Variants in PSTPIP2 observed in about 807,000 individuals in gnomAD.
The protein encoded by PSTPIP2 is proline-serine-threonine phosphatase-interacting protein 2.
PSTPIP2 carries 33 observed loss-of-function variants against 63.3 expected under a neutral mutation model. The ratio of observed to expected loss-of-function variants is 0.52; its 90% CI spans 0.40 to 0.70. The LOEUF (loss-of-function observed/expected upper bound fraction) is 0.70. Among genes scored for constraint, PSTPIP2 ranks in the 30% least tolerant of loss-of-function variants. PSTPIP2 has a pLI of 0.00. For missense variants in PSTPIP2, 312 were observed against 400.7 expected (o/e 0.78, Z 1.89); for synonymous variants, 125 against 132.7 (o/e 0.94, Z 0.40).
chr18:46,001,868 A>G (rs1369577833), intron 6 of PSTPIP2, among the ~76,000 whole-genome samples: 1 of 152,198 alleles, frequency 6.6e-6, no homozygotes, highest in Non-Finnish European at 1.5e-5. Flanking sequence ...CATCCCCTCA[A>G]GCATTTATTC....
intron 2 of PSTPIP2, among the ~76,000 whole-genome samples, chr18:46,027,482 G>A (rs2144099025): frequency 6.6e-6 from 1 of 152,082 alleles, no homozygotes; most frequent in South Asian, 2.1e-4. Context: ...TTGAGCCCAA[G>A]GGTTTGAGAC....
intron 2 of PSTPIP2, 89 bp downstream of exon 2, chr18:46,039,858 A>T: frequency 8.8e-7 from 1 of 1,139,282 alleles, no homozygotes; most frequent in Non-Finnish European, 1.3e-6. Context: ...CAGAACCATT[A>T]AACACAAATG....
In PSTPIP2 at chr18:45,997,803, G is replaced by A. The variant is rs780497580; in HGVS notation, c.588C>T (p.Gly196=). 35 of 1,589,344 alleles carry A rather than the reference G, an allele frequency of 2.2e-5. 2 individuals carry two copies. The South Asian group carries it at 3.9e-4, about 18-fold the overall frequency. Residue 196 remains glycine (G), a synonymous_variant, in exon 9 of 15, where the codon GGC becomes GGT. Transcript: ENST00000409746. ...DSDKAYMLHI[G]TLDKVREEWQ... is the part of the protein sequence containing the mutation. Reference sequence around the variant, plus strand: ...ACTCTTCTCGGACCTTATCCAGGGTGCCGATGTGCAGCATGTATGCTTTGT... The same window carrying A: ...ACTCTTCTCGGACCTTATCCAGGGTACCGATGTGCAGCATGTATGCTTTGT...
chr18:46,021,848 C>CAAAAA (rs59094808), intron 3 of PSTPIP2, among the ~76,000 whole-genome samples: 55 of 33,226 alleles, frequency 1.7e-3, no homozygotes, highest in Non-Finnish European at 2.3e-3. Context: ...GACTCTGTCT[C>CAAAAA]AAAAAAAAAA....
intron 3 of PSTPIP2, among the ~76,000 whole-genome samples, chr18:46,016,845 G>A (rs1411262933): frequency 1.3e-5 from 2 of 152,176 alleles, no homozygotes; most frequent in African/African-American, 4.8e-5. Flanking sequence ...AAATACCTAA[G>A]AATGCTTTAA....
At chr18:46,044,007 G>A (rs1344770996) in intron 1 of PSTPIP2, among the ~76,000 whole-genome samples, 1 of 152,012 alleles carries the variant, frequency 6.6e-6, no homozygotes, top group Non-Finnish European at 1.5e-5. Context: ...AATAAAAGTA[G>A]GTATATACCA....
intron 6 of PSTPIP2, among the ~76,000 whole-genome samples, chr18:46,000,978 A>G (rs2051659039): frequency 6.6e-6 from 1 of 152,214 alleles, no homozygotes; most frequent in African/African-American, 2.4e-5. Context: ...CATATACACA[A>G]TGGAACACTA....
At position 46,006,360 on chromosome 18, in the gene PSTPIP2, C is replaced by CTTTTTTTTTTTTTTTTTTTTTTTT. The variant is rs756384731; in HGVS notation, c.355-853_355-830dup. Among the ~76,000 whole-genome samples the CTTTTTTTTTTTTTTTTTTTTTTTT allele has an allele frequency of 5.2e-5, 6 of 115,628 alleles. 3 individuals carry two copies. The highest frequency in any genetic ancestry group is 1.5e-4 in the African/African-American group (4 of 27,084). The allele number at this position is 115,628 out of a possible 152,430, so 75.9% of individuals were successfully genotyped here. ...TGAGCCACCATGCCCAGCCCTGGTA[C>CTTTTTTTTTTTTTTTTTTTTTTTT]TTTTTTTTTTTTTTTTTTTTTTTTT... On this transcript the variant is annotated intron_variant, in intron 5 of 14. Coordinates refer to ENST00000409746, the MANE Select transcript of PSTPIP2 (RefSeq NM_024430.4).
At chr18:46,013,081 T>C (rs2051817272) in intron 4 of PSTPIP2, among the ~76,000 whole-genome samples, 1 of 151,056 alleles carries the variant, frequency 6.6e-6, no homozygotes, top group African/African-American at 2.4e-5. Context: ...AAGATAAATA[T>C]ATATATTATT....
At chr18:46,019,358 AG>A (rs1319388834) in intron 3 of PSTPIP2, among the ~76,000 whole-genome samples, 1 of 152,158 alleles carries the variant, frequency 6.6e-6, no homozygotes, top group African/African-American at 2.4e-5. Flanking sequence ...CTCAAAACAA[AG>A]GTTCTTATTT....
intron 6 of PSTPIP2, among the ~76,000 whole-genome samples, chr18:46,003,080 G>A (rs73953954): frequency 0.048 from 7,241 of 152,272 alleles, 625 homozygotes; most frequent in African/African-American, 0.16. Context: ...TCTCATTACT[G>A]TCATGTGAGT....
intron 1 of PSTPIP2, chr18:46,040,285 A>C (rs753968884): frequency 5.4e-6 from 2 of 373,422 alleles, no homozygotes; most frequent in Non-Finnish European, 9.7e-6. Flanking sequence ...CTGCAACCAG[A>C]AATTAGGGAT....
rs77351479 is a variant in PSTPIP2 at position 46,056,593 on chromosome 18, G to A, written c.33+15563C>T. Among the ~76,000 whole-genome samples the A allele has an allele frequency of 6.4e-3, 968 of 152,214 alleles. 8 individuals are homozygous for A. The highest frequency in any genetic ancestry group is 0.022 in the African/African-American group (926 of 41,530). On this transcript the variant is annotated intron_variant, in intron 1 of 14. Coordinates refer to ENST00000409746, the MANE Select transcript of PSTPIP2 (RefSeq NM_024430.4). ...AATTTTTAAAATAGCAGAGCATGGT[G>A]GTGCACACCTGTGGTCCCAGCTACT...
At chr18:45,999,308 C>A (rs2051638792) in intron 7 of PSTPIP2, 128 bp downstream of exon 7, 2 of 860,148 alleles carry the variant, frequency 2.3e-6, no homozygotes. Flanking sequence ...CAGAAGACCC[C>A]CAATACATGA....
rs749638245 is a variant in PSTPIP2 at position 45,991,916 on chromosome 18, C to A, written c.906G>T (p.Gly302=). 45 of 1,611,680 alleles carry A rather than the reference C, an allele frequency of 2.8e-5. No individual in the cohort carries two copies. In the Admixed American group the frequency reaches 3.2e-4, roughly 11 times the overall value. Residue 302 remains glycine (G), a synonymous_variant, in exon 12 of 15, where the codon GGG becomes GGT. Transcript: ENST00000409746. ...KNAVPAGKAT[G]PNLARRGPLP... Reference sequence around the variant, plus strand: ...CTGGTTATTACCTTGCCAAGTTAGGCCCTGTAGCCTTTCCTGCTGGGACTG... The same window carrying A: ...CTGGTTATTACCTTGCCAAGTTAGGACCTGTAGCCTTTCCTGCTGGGACTG...
chr18:45,998,349 T>G (rs1055073282), intron 8 of PSTPIP2, among the ~76,000 whole-genome samples: 4 of 152,204 alleles, frequency 2.6e-5, no homozygotes, highest in Non-Finnish European at 5.9e-5. Flanking sequence ...TAGATTTCAG[T>G]GATAACAAGG....
chr18:46,009,682 C>T (rs2144080662), intron 5 of PSTPIP2, among the ~76,000 whole-genome samples: 1 of 152,214 alleles, frequency 6.6e-6, no homozygotes. Flanking sequence ...AACAAACTCT[C>T]CCTGAAAGGA....
chr18:46,061,219 G>A (rs556171464), intron 1 of PSTPIP2, among the ~76,000 whole-genome samples: 59 of 151,408 alleles, frequency 3.9e-4, no homozygotes, highest in Non-Finnish European at 6.8e-4. Context: ...CAGGAGAATC[G>A]TTTGAACCTG....
chr18:46,032,055 C>T (rs1333576042), intron 2 of PSTPIP2, among the ~76,000 whole-genome samples: 1 of 152,164 alleles, frequency 6.6e-6, no homozygotes, highest in Admixed American at 6.5e-5. Context: ...ACATAAATCA[C>T]GCTTGAATAA....
Sources: allele counts gnomAD v4.1 joint callset (sites outside exome capture counted in the v4.1 genomes callset), GRCh38; gene constraint gnomAD v4.1.1; transcripts MANE v1.5; gene names NCBI Gene and HGNC (gene_info 2026-07-23, HGNC 2026-07-21).